TBX18: variants seen among roughly 807,000 people sequenced by gnomAD.
TBX18 encodes the protein T-box transcription factor 18, also known as T-box transcription factor TBX18.
In TBX18, 21 loss-of-function variants were observed where a neutral mutation model predicts 55.0. That is an observed-to-expected ratio of 0.38 (90% CI 0.27 to 0.55). The LOEUF (loss-of-function observed/expected upper bound fraction) is 0.55. TBX18 is among the 20% of genes least tolerant of loss of function. TBX18 has a pLI of 0.73. For synonymous variants in TBX18, 342 were observed against 326.1 expected, an observed-to-expected ratio of 1.05 and a Z score of -0.53; for missense variants, 840 against 799.6, an observed-to-expected ratio of 1.05 and a Z score of -0.61.
chr6:84,764,432 T>C lies in TBX18; in HGVS notation c.-251A>G. ...CTCGCGCGCTCTCTCACTGATGCAC[T>C]CCTTTGCTCCCACCCCTTCCACCTC... On this transcript the variant is annotated 5_prime_UTR_variant, in exon 1 of 8. Transcript: ENST00000369663. 2.1e-6 allele frequency: 1 copy of C among 475,350 alleles called. No individual in the cohort carries two copies. The highest frequency in any genetic ancestry group is 4.3e-5 in the South Asian group (1 of 23,248). The allele number at this position is 475,350 out of a possible 1,614,324, so 29.4% of individuals were successfully genotyped here. A position where few individuals can be genotyped will look rare whatever the true frequency, so the allele number is the denominator to read the frequency against.
At chr6:84,740,403 G>T (rs1275050344) in intron 6 of TBX18, among the ~76,000 whole-genome samples, 1 of 152,168 alleles carries the variant, frequency 6.6e-6, no homozygotes, top group African/African-American at 2.4e-5. Context: ...ATTACAAAAG[G>T]TCTGAAACCC....
At chr6:84,744,631 G>A (rs987548049) in intron 5 of TBX18, among the ~76,000 whole-genome samples, 2 of 152,082 alleles carry the variant, frequency 1.3e-5, no homozygotes, top group African/African-American at 4.8e-5. Context: ...TTGGTAACGT[G>A]CCCTATAATT....
At chr6:84,762,845 T>C (rs1767692808) in intron 1 of TBX18, 97 bp from the exon 2 acceptor site, 1 of 1,195,864 alleles carries the variant, frequency 8.4e-7, no homozygotes, top group East Asian at 2.5e-5. Flanking sequence ...AAGAGGAAAA[T>C]GACCGGGAGA....
In TBX18 at chr6:84,737,113, C is replaced by T. The variant is rs778493458; in HGVS notation, c.1396G>A (p.Val466Met). The change falls in exon 8 of 8, where the codon GTG becomes ATG. Residue 466 changes from valine (V) to methionine (M), a missense_variant. Val to Met is a conservative substitution (Grantham distance 21, BLOSUM62 1). Transcript: ENST00000369663. ...SYVGVSSSTS[V>M]NMSMGGTDGD... ...TCAGTGCCACCCATGGACATGTTCA[C>T]GGAGGTGCTGCTGCTCACGCCCACA... 9 of 1,614,056 alleles carry T rather than the reference C, an allele frequency of 5.6e-6. No individual in the cohort carries two copies. Among genetic ancestry groups the T allele is most frequent in the Admixed American group, 3.3e-5 (2 of 60,000 alleles).
chr6:84,760,307 G>T lies in TBX18; in HGVS notation c.547C>A (p.Gln183Lys), dbSNP rs1238268211. Residue 183 changes from glutamine to lysine, a missense_variant, in exon 3 of 8, where the codon CAG (glutamine) becomes AAG (lysine). Physicochemically the swap from Gln to Lys is moderately conservative, Grantham distance 53. Coordinates refer to ENST00000369663, the MANE Select transcript of TBX18 (RefSeq NM_001080508.3). ...RVKISGLDPHQQYYIAMDIVP... is the reference protein window; with the variant it reads ...RVKISGLDPHKQYYIAMDIVP... ...ATATCCATGGCAATGTAATATTGCT[G>T]GTGAGGATCTAATCCAGAGATCTTC... 2 of 1,606,166 alleles carry T rather than the reference G, an allele frequency of 1.2e-6. No homozygotes were observed. The highest frequency in any genetic ancestry group is 2.2e-5 in the East Asian group (1 of 44,710).
At chr6:84,737,543 C>G (rs2127870994) in intron 7 of TBX18, 134 bp from the exon 8 acceptor site, 1 of 983,834 alleles carries the variant, frequency 1.0e-6, no homozygotes, top group African/African-American at 1.7e-5. Flanking sequence ...AGGAGATGGT[C>G]TCAGCTTTCA....
chr6:84,752,633 G>C (rs191659016), intron 4 of TBX18, among the ~76,000 whole-genome samples: 1 of 152,260 alleles, frequency 6.6e-6, no homozygotes, highest in Admixed American at 6.5e-5. Flanking sequence ...GAGAATGAAA[G>C]TGACTTGCCA....
chr6:84,762,807 G>C (rs1358144675), intron 1 of TBX18, 59 bp from the exon 2 acceptor site: 11 of 1,504,488 alleles, frequency 7.3e-6, no homozygotes, highest in Non-Finnish European at 1.0e-5. Context: ...GAAGCCAGCC[G>C]CGGAGACGGG....
chr6:84,745,245 T>C (rs1767151332), intron 5 of TBX18, among the ~76,000 whole-genome samples: 1 of 152,158 alleles, frequency 6.6e-6, no homozygotes, highest in South Asian at 2.1e-4. Flanking sequence ...ATTAATAGTT[T>C]TTTTAGTTAT....
intron 6 of TBX18, among the ~76,000 whole-genome samples, chr6:84,743,356 G>C (rs1767096174): frequency 6.6e-6 from 1 of 152,154 alleles, no homozygotes; most frequent in Admixed American, 6.5e-5. Flanking sequence ...TAAGAATCTG[G>C]ATTGTTTTCC....
Position 84,737,196 on chromosome 6 carries a change from T to G in TBX18, c.1313A>C (p.Tyr438Ser). ...NRYSTSLAET[Y>S]NRLTNQAGET... ...ACCAGCCTGGTTGGTGAGCCTGTTG[T>G]AGGTCTCTGCCAAAGATGTGCTGTA... Residue 438 changes from tyrosine to serine, a missense_variant, in exon 8 of 8, where the codon TAC becomes TCC. By Grantham distance (144) the Tyr-to-Ser change is moderately radical. Transcript: ENST00000369663. 1.9e-6 allele frequency: 3 copies of G among 1,613,110 alleles called. No individual in the cohort carries two copies. Among genetic ancestry groups the G allele is most frequent in the Non-Finnish European group, 2.5e-6 (3 of 1,179,430 alleles).
At position 84,762,687 on chromosome 6, in the gene TBX18, G is replaced by T; in HGVS notation, c.354C>A (p.Pro118=). 1 of 1,610,814 alleles carries T rather than the reference G, an allele frequency of 6.2e-7. No individual in the cohort carries two copies. Among genetic ancestry groups the T allele is most frequent in the Non-Finnish European group, 8.5e-7 (1 of 1,178,992 alleles). The change falls in exon 2 of 8, where the codon CCC becomes CCA. Residue 118 remains proline, a synonymous_variant. Transcript: ENST00000369663. ...CCAGGGAGCGCGCCGGAGACCCCTT[G>T]GGGGAGCCTCCCGGTGACGCCAGAG... ...ASPLASPGGS[P]KGSPARSLAR... is the part of the protein sequence containing the mutation.
intron 1 of TBX18, 149 bp downstream of exon 1, chr6:84,763,741 G>C: frequency 3.6e-6 from 5 of 1,407,126 alleles, no homozygotes; most frequent in Non-Finnish European, 3.7e-6. Flanking sequence ...ACCAGGTTGC[G>C]CGGCGAGCTT....
chr6:84,744,457 A>C (rs1167415074), intron 5 of TBX18, 132 bp from the exon 6 acceptor site: 1 of 653,622 alleles, frequency 1.5e-6, no homozygotes, highest in Non-Finnish European at 2.6e-6. Flanking sequence ...TTATTCCCCA[A>C]GTATTTTAAT....
Position 84,764,476 on chromosome 6 carries a change from C to T in TBX18, c.-295G>A. On this transcript the variant is annotated 5_prime_UTR_variant, in exon 1 of 8. Transcript: ENST00000369663. ...CCACCTCCTCCTGCTGCTCCGAGGT[C>T]TGCCTCAACTGATGCGCCAGAGAGG... 1 of 386,170 alleles carries T rather than the reference C, an allele frequency of 2.6e-6. No homozygotes were observed. The highest frequency in any genetic ancestry group is 4.6e-6 in the Non-Finnish European group (1 of 218,300). The allele number at this position is 386,170 out of a possible 1,614,324, so 23.9% of individuals were successfully genotyped here.
At chr6:84,760,215 G>A in intron 3 of TBX18, 40 bp downstream of exon 3, 1 of 1,287,996 alleles carries the variant, frequency 7.8e-7, no homozygotes, top group African/African-American at 1.5e-5. Context: ...CAAAATCCTA[G>A]TGTTTTTTTT....
At chr6:84,753,859 C>T (rs559859638) in intron 4 of TBX18, among the ~76,000 whole-genome samples, 1 of 152,290 alleles carries the variant, frequency 6.6e-6, no homozygotes, top group East Asian at 1.9e-4. Context: ...GGATGATAAT[C>T]TGTGTTCATG....
At chr6:84,739,761 T>C (rs1220596219) in intron 6 of TBX18, among the ~76,000 whole-genome samples, 1 of 152,190 alleles carries the variant, frequency 6.6e-6, no homozygotes, top group Non-Finnish European at 1.5e-5. Flanking sequence ...CAGAGAGTCA[T>C]ACCACATACA....
intron 5 of TBX18, among the ~76,000 whole-genome samples, chr6:84,746,017 T>C (rs1767175169): frequency 6.6e-6 from 1 of 152,148 alleles, no homozygotes; most frequent in Admixed American, 6.6e-5. Context: ...GTTAAGTTCT[T>C]AAAAATAGTA....
Sources: allele counts gnomAD v4.1 joint callset (sites outside exome capture counted in the v4.1 genomes callset), GRCh38; gene constraint gnomAD v4.1.1; transcripts MANE v1.5; gene names NCBI Gene and HGNC (gene_info 2026-07-23, HGNC 2026-07-21).